The following PAK5 variants were observed in gnomAD, a reference collection of about 807,000 sequenced individuals.
PAK5 encodes the protein serine/threonine-protein kinase PAK 5.
In PAK5, 16 loss-of-function variants were observed where a neutral mutation model predicts 65.9. That is an observed-to-expected ratio of 0.24 (90% CI 0.16 to 0.37). PAK5 has a LOEUF of 0.37. PAK5 is among the 10% of genes least tolerant of loss of function. PAK5 has a pLI of 1.00. For missense variants in PAK5, 785 were observed against 903.9 expected (o/e 0.87, Z 1.69); for synonymous variants, 371 against 354.9 (o/e 1.05, Z -0.51).
chr20:9,602,602 CACTGCAGG>C (rs1367831860), intron 3 of PAK5, among the ~76,000 whole-genome samples: 1 of 152,196 alleles, frequency 6.6e-6, no homozygotes, highest in Non-Finnish European at 1.5e-5. Context: ...CATCATTTTG[CACTGCAGG>C]ACTTTTCCAT....
intron 4 of PAK5, among the ~76,000 whole-genome samples, chr20:9,566,624 C>T (rs893735656): frequency 6.6e-6 from 1 of 152,008 alleles, no homozygotes; most frequent in Non-Finnish European, 1.5e-5. Flanking sequence ...CTTGTTAAGC[C>T]CTATTTTCTT....
intron 2 of PAK5, among the ~76,000 whole-genome samples, chr20:9,696,960 A>G (rs2123449583): frequency 6.6e-6 from 1 of 152,216 alleles, no homozygotes; most frequent in East Asian, 1.9e-4. Context: ...TGAATGAATG[A>G]ATGGATAGAT....
At chr20:9,724,189 T>G (rs191503232) in intron 1 of PAK5, among the ~76,000 whole-genome samples, 1 of 152,102 alleles carries the variant, frequency 6.6e-6, no homozygotes, top group African/African-American at 2.4e-5. Flanking sequence ...TCCAAAAAAA[T>G]TTTTTTTAAT....
In PAK5 at chr20:9,580,807, G is replaced by C. The variant is rs779060669; in HGVS notation, c.328C>G (p.Gln110Glu). The change falls in exon 4 of 10, where the codon CAG (glutamine) becomes GAG (glutamate). Residue 110 changes from glutamine to glutamate, a missense_variant. Physicochemically the swap from Gln to Glu is conservative, Grantham distance 29. Coordinates refer to ENST00000353224, the MANE Select transcript of PAK5 (RefSeq NM_177990.4). ...LRKESPPTPD[Q>E]GASSHGPGHA... ...CCTGGACCGTGGCTGGAGGCTCCCTGATCTGGGGTGGGTGGGCTTTCTTTC... is the reference window on the plus strand; with the variant it reads ...CCTGGACCGTGGCTGGAGGCTCCCTCATCTGGGGTGGGTGGGCTTTCTTTC... The C allele has an allele frequency of 6.2e-6, 10 of 1,613,938 alleles. No homozygotes were observed. Among genetic ancestry groups the C allele is most frequent in the Middle Eastern group, 1.6e-4 (1 of 6,084 alleles).
chr20:9,834,193 C>T (rs1230175017), intron 1 of PAK5, among the ~76,000 whole-genome samples: 1 of 152,122 alleles, frequency 6.6e-6, no homozygotes, highest in East Asian at 1.9e-4. Context: ...TTTTAAAAAT[C>T]ACCCTTTTAT....
chr20:9,629,122 A>G (rs964574903), intron 3 of PAK5, among the ~76,000 whole-genome samples: 5 of 152,098 alleles, frequency 3.3e-5, no homozygotes, highest in African/African-American at 1.2e-4. Context: ...AAGCCTCTGG[A>G]TGGGAAGGCA....
chr20:9,831,950 T>C (rs1978751178), intron 1 of PAK5, among the ~76,000 whole-genome samples: 2 of 152,220 alleles, frequency 1.3e-5, no homozygotes, highest in Non-Finnish European at 2.9e-5. Flanking sequence ...AAAACACATA[T>C]TAACAATACA....
At chr20:9,715,424 A>G (rs1470538308) in intron 1 of PAK5, among the ~76,000 whole-genome samples, 2 of 152,152 alleles carry the variant, frequency 1.3e-5, no homozygotes, top group Admixed American at 6.6e-5. Context: ...GTGGAGAAAT[A>G]GGAACACTTT....
At position 9,574,706 on chromosome 20, in the gene PAK5, G is replaced by A. The variant is rs73895914; in HGVS notation, c.990+5439C>T. Among the ~76,000 whole-genome samples, 631 of 152,296 alleles carry A rather than the reference G, an allele frequency of 4.1e-3. 5 individuals carry two copies. Among genetic ancestry groups the A allele is most frequent in the African/African-American group, 0.015 (603 of 41,558 alleles). On this transcript the variant is annotated intron_variant, in intron 4 of 9. Coordinates refer to ENST00000353224, the MANE Select transcript of PAK5 (RefSeq NM_177990.4). ...CATTCATATGCAAAGGACACCTAAA[G>A]TCTCCATCAGAAGGGACAGACGTTA...
chr20:9,749,399 T>C (rs2048548058), intron 1 of PAK5, among the ~76,000 whole-genome samples: 1 of 152,122 alleles, frequency 6.6e-6, no homozygotes, highest in Non-Finnish European at 1.5e-5. Flanking sequence ...ATGTATACAA[T>C]TGGTTTTATG....
intron 3 of PAK5, among the ~76,000 whole-genome samples, chr20:9,629,195 G>A (rs1402106073): frequency 6.6e-6 from 1 of 152,178 alleles, no homozygotes; most frequent in Non-Finnish European, 1.5e-5. Context: ...AGTCAGTGAA[G>A]CTGTGCCAGA....
At chr20:9,608,469 C>T (rs1254957379) in intron 3 of PAK5, among the ~76,000 whole-genome samples, 1 of 152,196 alleles carries the variant, frequency 6.6e-6, no homozygotes, top group Non-Finnish European at 1.5e-5. Context: ...AGCATTCCTT[C>T]CTGGTGTGGA....
intron 1 of PAK5, among the ~76,000 whole-genome samples, chr20:9,720,256 G>GA (rs1386241866): frequency 6.6e-6 from 1 of 151,896 alleles, no homozygotes; most frequent in Non-Finnish European, 1.5e-5. Flanking sequence ...AATCTGGATA[G>GA]AAAAAAAGTT....
At chr20:9,756,929 G>A (rs992368306) in intron 1 of PAK5, among the ~76,000 whole-genome samples, 2 of 152,156 alleles carry the variant, frequency 1.3e-5, no homozygotes, top group Non-Finnish European at 2.9e-5. Flanking sequence ...GACTCTGGAA[G>A]CAGTTTTTAA....
intron 1 of PAK5, among the ~76,000 whole-genome samples, chr20:9,757,258 C>A (rs1372222187): frequency 6.6e-6 from 1 of 152,040 alleles, no homozygotes; most frequent in Non-Finnish European, 1.5e-5. Context: ...TATTCCACAT[C>A]TTTTAATTCA....
chr20:9,544,387 C>A lies in PAK5; in HGVS notation c.1851G>T (p.Arg617Ser). 1.2e-6 allele frequency: 2 copies of A among 1,614,006 alleles called. No individual in the cohort carries two copies. The highest frequency in any genetic ancestry group is 2.2e-5 in the South Asian group (2 of 91,066). ...CCCTTACCTCTGTCCCATAAGGTAG[C>A]CTAGAAATCACCTCAGGGGCCATCC... The part of the protein sequence containing the change: ...PYWMAPEVIS[R>S]LPYGTEVDIW... The change falls in exon 8 of 10, where the codon AGG becomes AGT. Residue 617 changes from arginine (R) to serine (S), a missense_variant. Physicochemically the swap from Arg to Ser is moderately radical, Grantham distance 110 (BLOSUM62 -1). This residue lies in a region of PAK5 where 182 missense variants were observed against 273.0 expected (regional missense o/e 0.67). Transcript: ENST00000353224.
chr20:9,831,802 C>G (rs1183770611), intron 1 of PAK5, among the ~76,000 whole-genome samples: 1 of 152,158 alleles, frequency 6.6e-6, no homozygotes, highest in Non-Finnish European at 1.5e-5. Flanking sequence ...GCCACCGTGC[C>G]CGGCCTACTA....
intron 7 of PAK5, among the ~76,000 whole-genome samples, chr20:9,548,982 T>C (rs1418816189): frequency 2.0e-5 from 3 of 152,162 alleles, no homozygotes; most frequent in African/African-American, 7.2e-5. Context: ...ATATTCACAA[T>C]TTCTTATCAA....
At chr20:9,781,743 C>T (rs906349846) in intron 1 of PAK5, among the ~76,000 whole-genome samples, 1 of 152,116 alleles carries the variant, frequency 6.6e-6, no homozygotes, top group African/African-American at 2.4e-5. Flanking sequence ...GTACCAACAT[C>T]CCATGCCTCA....
Sources: allele counts gnomAD v4.1 joint callset (sites outside exome capture counted in the v4.1 genomes callset), GRCh38; gene constraint gnomAD v4.1.1; regional missense constraint gnomAD v4.1.1; transcripts MANE v1.5; gene names NCBI Gene and HGNC (gene_info 2026-07-23, HGNC 2026-07-21).